NBEA: variants seen among roughly 807,000 people sequenced by gnomAD.
NBEA encodes neurobeachin, also known as lysosomal-trafficking regulator 2.
Under a neutral mutation model 343.4 loss-of-function variants are expected in NBEA, and 44 were observed. The observed-to-expected ratio is 0.13, with a 90% CI of 0.10 to 0.16. The LOEUF is 0.16. Ranked by LOEUF, NBEA falls within the 10% of genes least tolerant of loss-of-function variation. The probability of loss-of-function intolerance (pLI) is 1.00; values close to 1 mark genes in which losing one functional copy is unlikely to be tolerated. For missense variants in NBEA, 2,555 were observed against 3,631.3 expected, an observed-to-expected ratio of 0.70 and a Z score of 7.62; for synonymous variants, 1,175 against 1,238.7, an observed-to-expected ratio of 0.95 and a Z score of 1.08.
intron 33 of NBEA, among the ~76,000 whole-genome samples, chr13:35,220,866 A>G (rs943073454): frequency 6.6e-6 from 1 of 152,148 alleles, no homozygotes; most frequent in African/African-American, 2.4e-5. Context: ...TAGACTTTTT[A>G]AAAATACATT....
At chr13:35,122,590 G>A (rs1165021668) in intron 16 of NBEA, among the ~76,000 whole-genome samples, 1 of 132,486 alleles carries the variant, frequency 7.5e-6, no homozygotes, top group Non-Finnish European at 1.6e-5. Flanking sequence ...GGAGGGGGGA[G>A]GGATAGCATT....
intron 45 of NBEA, among the ~76,000 whole-genome samples, chr13:35,576,124 T>C (rs991790022): frequency 1.3e-5 from 2 of 150,376 alleles, no homozygotes; most frequent in Middle Eastern, 3.2e-3. Context: ...TTGGTTTGGT[T>C]TTTTTTTTTT....
chr13:35,260,516 T>C (rs530762935), intron 34 of NBEA, among the ~76,000 whole-genome samples: 1 of 152,326 alleles, frequency 6.6e-6, no homozygotes, highest in Admixed American at 6.5e-5. Context: ...TTCTGGATTG[T>C]AGTACAAGAA....
chr13:35,657,548 T>C (rs1342015796), intron 55 of NBEA, among the ~76,000 whole-genome samples: 3 of 152,230 alleles, frequency 2.0e-5, no homozygotes, highest in Non-Finnish European at 4.4e-5. Flanking sequence ...TATGTGTACA[T>C]GTGTATAAGA....
At chr13:35,018,274 T>A (rs2061720022) in intron 1 of NBEA, among the ~76,000 whole-genome samples, 1 of 152,126 alleles carries the variant, frequency 6.6e-6, no homozygotes, top group Non-Finnish European at 1.5e-5. Flanking sequence ...CAATTTGTGA[T>A]TTTTCTAACA....
intron 41 of NBEA, chr13:35,475,482 G>T: frequency 6.2e-7 from 1 of 1,612,428 alleles, no homozygotes; most frequent in Non-Finnish European, 8.5e-7. Flanking sequence ...TCTGCTTGCC[G>T]GCCAAGGAGT....
rs2059060922 is a variant in NBEA, at chr13:34,942,557, C to T, written c.-264C>T. ...AGCGGCAGCGGCAGCGGCACACCTG[C>T]TGGGCGGGCACAGCCGCTTGCCCGG... On this transcript the variant is annotated 5_prime_UTR_variant, in exon 1 of 59. Coordinates refer to ENST00000379939, the MANE Select transcript of NBEA (RefSeq NM_001385012.1). The T allele has an allele frequency of 9.1e-6, 2 of 219,240 alleles. No homozygotes were observed. Among genetic ancestry groups the T allele is most frequent in the Admixed American group, 5.9e-5 (1 of 16,924 alleles). 13.6% of individuals were successfully genotyped at this position (219,240 alleles called of 1,614,324 possible). A position where few individuals can be genotyped will look rare whatever the true frequency, so the allele number is the denominator to read the frequency against.
At chr13:35,349,400 G>A (rs2040056365) in intron 37 of NBEA, among the ~76,000 whole-genome samples, 184 bp downstream of exon 37, 2 of 152,042 alleles carry the variant, frequency 1.3e-5, no homozygotes, top group African/African-American at 2.4e-5. Flanking sequence ...CCCATTTACA[G>A]CATGAAAACA....
chr13:35,606,015 C>A (rs915762239), intron 47 of NBEA, among the ~76,000 whole-genome samples: 1 of 152,044 alleles, frequency 6.6e-6, no homozygotes, highest in African/African-American at 2.4e-5. Flanking sequence ...ATTACAAATA[C>A]TGGCAATTAG....
intron 38 of NBEA, among the ~76,000 whole-genome samples, chr13:35,355,022 GA>G (rs1566019653): frequency 1.3e-5 from 2 of 151,994 alleles, no homozygotes; most frequent in African/African-American, 4.8e-5. Flanking sequence ...TACTGTTTCT[GA>G]GGCCATAAAT....
At chr13:35,554,751 C>A (rs1003578535) in intron 43 of NBEA, among the ~76,000 whole-genome samples, 4 of 152,098 alleles carry the variant, frequency 2.6e-5, no homozygotes, top group Admixed American at 6.5e-5. Flanking sequence ...TGTGATTTGA[C>A]AAATAAGGTT....
At chr13:35,246,605 GGTTT>G (rs2031236107) in intron 34 of NBEA, among the ~76,000 whole-genome samples, 1 of 152,130 alleles carries the variant, frequency 6.6e-6, no homozygotes, top group Admixed American at 6.5e-5. Context: ...CTGGTACTGA[GGTTT>G]GTTTGCACAG....
intron 36 of NBEA, among the ~76,000 whole-genome samples, chr13:35,338,085 C>G (rs1264961412): frequency 6.6e-6 from 1 of 151,438 alleles, no homozygotes; most frequent in Non-Finnish European, 1.5e-5. Context: ...AAATTATTTC[C>G]AAAACAGGCT....
chr13:35,179,761 T>G, intron 28 of NBEA: 5 of 984,610 alleles, frequency 5.1e-6, no homozygotes, highest in Non-Finnish European at 6.0e-6. Context: ...GATATTATGG[T>G]CTGTCACAGC....
At chr13:35,025,835 A>G (rs576890782) in intron 1 of NBEA, among the ~76,000 whole-genome samples, 1 of 152,130 alleles carries the variant, frequency 6.6e-6, no homozygotes, top group Non-Finnish European at 1.5e-5. Context: ...AGGTTATTCT[A>G]ATGATCAGTG....
At chr13:34,990,077 A>C (rs1232741414) in intron 1 of NBEA, among the ~76,000 whole-genome samples, 1 of 151,250 alleles carries the variant, frequency 6.6e-6, no homozygotes, top group East Asian at 1.9e-4. Flanking sequence ...TTAGCTTGGC[A>C]TGGTATAGCC....
At chr13:35,643,319 A>G (rs1472218864) in intron 49 of NBEA, among the ~76,000 whole-genome samples, 2 of 151,942 alleles carry the variant, frequency 1.3e-5, no homozygotes. Flanking sequence ...GCTCCCTACC[A>G]TGTGCACTGA....
Position 35,593,366 on chromosome 13 carries a change from A to G in NBEA, c.7215A>G (p.Gly2405=), listed in dbSNP as rs955561499. The part of the protein sequence containing the change: ...FTTFFLNAND[G]KFDHPDRTFS... Reference sequence around the variant, plus strand: ...CCTTCTTCCTCAATGCAAATGATGGAAAATTTGATCATCCAGATCGAACCT... The same window carrying G: ...CCTTCTTCCTCAATGCAAATGATGGGAAATTTGATCATCCAGATCGAACCT... The change falls in exon 47 of 59, where the codon GGA becomes GGG. Residue 2405 remains glycine, a synonymous_variant. Transcript: ENST00000379939. 7.4e-6 allele frequency: 12 copies of G among 1,612,652 alleles called. No individual in the cohort carries two copies. The highest frequency in any genetic ancestry group is 1.0e-5 in the Non-Finnish European group (12 of 1,178,972).
chr13:34,991,418 G>C (rs757529129), intron 1 of NBEA, among the ~76,000 whole-genome samples: 1 of 152,158 alleles, frequency 6.6e-6, no homozygotes, highest in Non-Finnish European at 1.5e-5. Context: ...AGGGGAAACA[G>C]GCACATCTTC....
Sources: gnomAD v4.1 joint callset for allele counts (sites outside exome capture counted in the v4.1 genomes callset) on GRCh38, gnomAD v4.1.1 for gene constraint, MANE v1.5 for transcripts, NCBI Gene and HGNC (gene_info 2026-07-23, HGNC 2026-07-21) for gene names.